Variants in CACNA1A observed in about 807,000 individuals in gnomAD.
The protein encoded by CACNA1A is voltage-dependent P/Q-type calcium channel subunit alpha-1A.
Under a neutral mutation model 262.4 loss-of-function variants are expected in CACNA1A, and 57 were observed. The ratio of observed to expected loss-of-function variants is 0.22; its 90% CI spans 0.18 to 0.27. The LOEUF (loss-of-function observed/expected upper bound fraction) is 0.27, where lower values mean the gene tolerates loss of function less well. Ranked by LOEUF, CACNA1A falls within the 10% of genes least tolerant of loss-of-function variation. The pLI is 1.00. For missense variants in CACNA1A, 2,526 were observed against 3,562.8 expected, an observed-to-expected ratio of 0.71 and a Z score of 7.41; for synonymous variants, 1,431 against 1,419.3, an observed-to-expected ratio of 1.01 and a Z score of -0.18.
At chr19:13,376,780 A>T (rs1324748542) in intron 3 of CACNA1A, among the ~76,000 whole-genome samples, 2 of 110,354 alleles carry the variant, frequency 1.8e-5, no homozygotes, top group African/African-American at 4.0e-5. Context: ...ATAACACATA[A>T]TATATGTGAC....
chr19:13,378,948 C>A (rs2059464005), intron 3 of CACNA1A, among the ~76,000 whole-genome samples: 1 of 147,880 alleles, frequency 6.8e-6, no homozygotes, highest in Non-Finnish European at 1.5e-5. Flanking sequence ...GGATTACAGG[C>A]ATGAGCCACT....
intron 3 of CACNA1A, among the ~76,000 whole-genome samples, chr19:13,439,095 C>T (rs906443627): frequency 7.9e-5 from 12 of 151,680 alleles, no homozygotes; most frequent in Non-Finnish European, 5.9e-5. Flanking sequence ...CCAAACAAAC[C>T]ACTTGTCCTC....
At chr19:13,232,085 C>A (rs1410263169) in intron 34 of CACNA1A, among the ~76,000 whole-genome samples, 1 of 152,100 alleles carries the variant, frequency 6.6e-6, no homozygotes, top group African/African-American at 2.4e-5. Context: ...ATGCCCGTGC[C>A]CCACCCCAGC....
intron 9 of CACNA1A, among the ~76,000 whole-genome samples, chr19:13,332,563 C>T (rs1431316516): frequency 1.3e-5 from 2 of 152,080 alleles, no homozygotes; most frequent in Non-Finnish European, 2.9e-5. Flanking sequence ...CCCAGGTGTT[C>T]TATTTGCCAT....
intron 1 of CACNA1A, among the ~76,000 whole-genome samples, chr19:13,463,487 T>TGC (rs2061164199): frequency 6.6e-6 from 1 of 152,220 alleles, no homozygotes; most frequent in Non-Finnish European, 1.5e-5. Flanking sequence ...ACCCTAGCGC[T>TGC]GCCCGGGATG....
At chr19:13,438,883 T>G (rs2060660613) in intron 3 of CACNA1A, among the ~76,000 whole-genome samples, 1 of 152,132 alleles carries the variant, frequency 6.6e-6, no homozygotes, top group Non-Finnish European at 1.5e-5. Flanking sequence ...TGATTATAGG[T>G]GCACGCCACC....
intron 20 of CACNA1A, 35 bp downstream of exon 20, chr19:13,286,468 C>G: frequency 1.8e-6 from 2 of 1,097,378 alleles, no homozygotes; most frequent in South Asian, 3.6e-5. Context: ...GACGCCAGGT[C>G]CCCTGCCCAG....
chr19:13,308,110 A>G lies in CACNA1A; in HGVS notation c.1913+10T>C. The G allele has an allele frequency of 6.2e-7, 1 of 1,613,780 alleles. No individual in the cohort carries two copies. The highest frequency in any genetic ancestry group is 8.5e-7 in the Non-Finnish European group (1 of 1,179,788). On this transcript the variant is annotated intron_variant, in intron 14 of 46. Coordinates refer to ENST00000360228, the MANE Select transcript of CACNA1A (RefSeq NM_001127222.2). The surrounding 1 kb of genome is among the most constrained non-coding windows in gnomAD (Gnocchi z 4.2). ...GGAACCAGGAGTTGGAATTCCTGTG[A>G]AGGACTTACTGGCCGCCGAAGAGTT...
At chr19:13,266,201 G>C (rs546789905) in intron 24 of CACNA1A, among the ~76,000 whole-genome samples, 1 of 152,154 alleles carries the variant, frequency 6.6e-6, no homozygotes, top group East Asian at 1.9e-4. Flanking sequence ...GTTGTAAGTG[G>C]ATAATATAGT....
intron 3 of CACNA1A, among the ~76,000 whole-genome samples, chr19:13,385,706 T>C (rs1007878022): frequency 6.6e-6 from 1 of 152,182 alleles, no homozygotes; most frequent in African/African-American, 2.4e-5. Flanking sequence ...GAAATTTTCA[T>C]CTGTTTTGTT....
chr19:13,391,035 T>C (rs1193922617), intron 3 of CACNA1A, among the ~76,000 whole-genome samples: 1 of 152,096 alleles, frequency 6.6e-6, no homozygotes, highest in Non-Finnish European at 1.5e-5. Context: ...TACAGGCACG[T>C]GACACCATTC....
chr19:13,253,315 C>T (rs916827062), intron 29 of CACNA1A, among the ~76,000 whole-genome samples: 5 of 85,096 alleles, frequency 5.9e-5, no homozygotes, highest in African/African-American at 1.7e-4. Flanking sequence ...CCTCCCCCAA[C>T]CTTTTTTTTT....
At chr19:13,364,635 A>G (rs935639580) in intron 5 of CACNA1A, 1 of 148,036 alleles carries the variant, frequency 6.8e-6, no homozygotes, top group Non-Finnish European at 1.5e-5. Flanking sequence ...TTTTTTATTT[A>G]TATTTTTATT....
intron 6 of CACNA1A, among the ~76,000 whole-genome samples, chr19:13,355,561 G>A (rs1003881823): frequency 6.6e-6 from 1 of 152,166 alleles, no homozygotes; most frequent in Admixed American, 6.5e-5. Flanking sequence ...AGAGATGCAG[G>A]GCAGAGCAAA....
At chr19:13,445,019 A>G (rs1169871327) in intron 3 of CACNA1A, among the ~76,000 whole-genome samples, 5 of 152,014 alleles carry the variant, frequency 3.3e-5, no homozygotes, top group African/African-American at 1.2e-4. Context: ...ACATGCCTGT[A>G]ATCCCAGCTA....
At chr19:13,466,660 T>C (rs893446060) in intron 1 of CACNA1A, among the ~76,000 whole-genome samples, 2 of 124,040 alleles carry the variant, frequency 1.6e-5, no homozygotes, top group Non-Finnish European at 3.1e-5. Flanking sequence ...TCTTTTAAAA[T>C]ACTGCTGCTG....
chr19:13,402,585 T>C (rs2059914810), intron 3 of CACNA1A, among the ~76,000 whole-genome samples: 1 of 150,120 alleles, frequency 6.7e-6, no homozygotes, highest in Non-Finnish European at 1.5e-5. Context: ...ATAAAAATAA[T>C]CAAAATCTAA....
chr19:13,327,842 G>A (rs1010784424), intron 10 of CACNA1A, among the ~76,000 whole-genome samples: 2 of 152,094 alleles, frequency 1.3e-5, no homozygotes, highest in African/African-American at 4.8e-5. Flanking sequence ...CAAAGTGCTG[G>A]GATTACAGGC....
chr19:13,486,878 TCTC>T (rs1175360493), intron 1 of CACNA1A, among the ~76,000 whole-genome samples: 1 of 151,938 alleles, frequency 6.6e-6, no homozygotes, highest in African/African-American at 2.4e-5. Flanking sequence ...TCTCTCTGTG[TCTC>T]CTCTTTGTCT....
Sources: gnomAD v4.1 joint callset for allele counts (sites outside exome capture counted in the v4.1 genomes callset) on GRCh38, gnomAD v4.1.1 for gene constraint, Gnocchi (gnomAD v3.1) non-coding constraint, MANE v1.5 for transcripts, NCBI Gene and HGNC (gene_info 2026-07-23, HGNC 2026-07-21) for gene names.